Variants in SGCZ observed in about 807,000 individuals in gnomAD.
The protein encoded by SGCZ is zeta-sarcoglycan.
In SGCZ, 40 loss-of-function variants were observed where a neutral mutation model predicts 41.3. The observed-to-expected ratio is 0.97, with a 90% CI of 0.75 to 1.26. SGCZ has a LOEUF of 1.26. Ranked by LOEUF, SGCZ falls within the 50% of genes most tolerant of loss-of-function variation. SGCZ has a pLI of 0.00. For missense variants in SGCZ, 552 were observed against 369.8 expected (o/e 1.49, Z -4.04); for synonymous variants, 206 against 137.5 (o/e 1.50, Z -3.49).
At chr8:14,291,901 C>G (rs1050610371) in intron 3 of SGCZ, among the ~76,000 whole-genome samples, 50 of 151,924 alleles carry the variant, frequency 3.3e-4, no homozygotes, top group African/African-American at 1.2e-3. Context: ...CTCTATGATT[C>G]GCATTCTGAG....
chr8:15,048,000 A>C (rs1407979026), intron 1 of SGCZ, among the ~76,000 whole-genome samples: 1 of 152,032 alleles, frequency 6.6e-6, no homozygotes, highest in African/African-American at 2.4e-5. Flanking sequence ...ATGCAATGAA[A>C]GTGCAATCAG....
At chr8:14,948,397 G>C (rs1800523215) in intron 1 of SGCZ, among the ~76,000 whole-genome samples, 1 of 152,036 alleles carries the variant, frequency 6.6e-6, no homozygotes, top group Non-Finnish European at 1.5e-5. Flanking sequence ...GAAGGAAACA[G>C]AGAGATTATT....
chr8:14,592,681 T>A (rs1198610360), intron 1 of SGCZ, among the ~76,000 whole-genome samples: 2 of 152,160 alleles, frequency 1.3e-5, no homozygotes, highest in Non-Finnish European at 2.9e-5. Flanking sequence ...CTTTTACCAA[T>A]ATTCCATGAC....
intron 3 of SGCZ, among the ~76,000 whole-genome samples, chr8:14,301,030 G>C (rs1023955172): frequency 1.3e-5 from 2 of 151,284 alleles, no homozygotes; most frequent in South Asian, 4.2e-4. Context: ...CCCCACTTAT[G>C]ATGTGAGAAT....
At chr8:14,906,399 A>G (rs1027687393) in intron 1 of SGCZ, among the ~76,000 whole-genome samples, 1 of 152,168 alleles carries the variant, frequency 6.6e-6, no homozygotes, top group Non-Finnish European at 1.5e-5. Context: ...CCAGGAAGAC[A>G]CCAGGTATAT....
At chr8:14,194,004 G>A (rs1156773230) in intron 4 of SGCZ, among the ~76,000 whole-genome samples, 1 of 151,716 alleles carries the variant, frequency 6.6e-6, no homozygotes, top group Admixed American at 6.6e-5. Flanking sequence ...ATCTTGACAA[G>A]TCAGCATGAT....
Position 14,264,500 on chromosome 8 carries a change from C to T in SGCZ, c.337-26821G>A, listed in dbSNP as rs186695944. 6.3e-3 allele frequency among the ~76,000 whole-genome samples: 959 copies of T among 152,268 alleles called. 7 individuals are homozygous for T. The highest frequency in any genetic ancestry group is 9.6e-3 in the Non-Finnish European group (650 of 68,014). On this transcript the variant is annotated intron_variant, in intron 3 of 7. Transcript: ENST00000382080. ...CATCCGCAGTAGACCTGCGGCAAAC[C>T]TCAGCTTAGGCTGCCATCTAGTGCT...
rs560022749 is a variant in SGCZ, at chr8:15,016,653, C to A, written c.39+220932G>T. ...TGCTTTACAGAATCTTGCCCCAGTA[C>A]GTTTGATAATTATTTACATAAGTAA... On this transcript the variant is annotated intron_variant, in intron 1 of 7. Transcript: ENST00000382080. Among the ~76,000 whole-genome samples the A allele has an allele frequency of 2.0e-3, 298 of 152,214 alleles. 2 individuals carry two copies. Among genetic ancestry groups the A allele is most frequent in the African/African-American group, 6.5e-3 (271 of 41,540 alleles).
intron 4 of SGCZ, among the ~76,000 whole-genome samples, chr8:14,169,644 G>C (rs903533417): frequency 2.6e-5 from 4 of 152,118 alleles, no homozygotes; most frequent in Non-Finnish European, 5.9e-5. Flanking sequence ...GGGGTATGTG[G>C]GGCTGGCTAT....
At chr8:14,900,176 T>G (rs1798921504) in intron 1 of SGCZ, among the ~76,000 whole-genome samples, 1 of 152,064 alleles carries the variant, frequency 6.6e-6, no homozygotes, top group African/African-American at 2.4e-5. Context: ...CAAGGGCGGT[T>G]TGCTACACAG....
chr8:14,351,818 G>C (rs1803109054), intron 2 of SGCZ, among the ~76,000 whole-genome samples: 1 of 151,934 alleles, frequency 6.6e-6, no homozygotes, highest in Admixed American at 6.6e-5. Flanking sequence ...TTCAGCTTTT[G>C]CTTTATCTCA....
intron 1 of SGCZ, among the ~76,000 whole-genome samples, chr8:15,002,498 C>T (rs1304842220): frequency 6.6e-6 from 1 of 151,974 alleles, no homozygotes; most frequent in African/African-American, 2.4e-5. Context: ...TGTCATTACC[C>T]TAGAAATAGG....
At chr8:14,793,442 C>A (rs569933187) in intron 1 of SGCZ, among the ~76,000 whole-genome samples, 1 of 152,004 alleles carries the variant, frequency 6.6e-6, no homozygotes, top group African/African-American at 2.4e-5. Flanking sequence ...AAAGCTATGG[C>A]AAATAAACAA....
At chr8:14,230,541 T>C (rs1476803942) in intron 4 of SGCZ, among the ~76,000 whole-genome samples, 1 of 152,066 alleles carries the variant, frequency 6.6e-6, no homozygotes, top group African/African-American at 2.4e-5. Context: ...GTCTCCAAAA[T>C]CCATGCCATT....
chr8:14,732,298 T>C lies in SGCZ; in HGVS notation c.40-177372A>G, dbSNP rs796292584. 2.3e-4 allele frequency among the ~76,000 whole-genome samples: 35 copies of C among 152,270 alleles called. 1 individual carries two copies. Among genetic ancestry groups the C allele is most frequent in the African/African-American group, 8.4e-4 (35 of 41,562 alleles). ...AGGAATGACAGGATACCATCCACCCTGCTAAGGAGGGGTAATATCTGGGTG... is the reference window on the plus strand; with the variant it reads ...AGGAATGACAGGATACCATCCACCCCGCTAAGGAGGGGTAATATCTGGGTG... On this transcript the variant is annotated intron_variant, in intron 1 of 7. Transcript: ENST00000382080.
chr8:15,018,584 T>G (rs772150395), intron 1 of SGCZ, among the ~76,000 whole-genome samples: 2 of 152,038 alleles, frequency 1.3e-5, no homozygotes, highest in Non-Finnish European at 2.9e-5. Context: ...CAAGAACAGT[T>G]TGATGGGCTT....
chr8:14,294,427 A>T (rs1406615013), intron 3 of SGCZ, among the ~76,000 whole-genome samples: 2 of 151,974 alleles, frequency 1.3e-5, no homozygotes, highest in African/African-American at 4.8e-5. Flanking sequence ...ACCTCCAAGG[A>T]AAGATGGAAA....
intron 1 of SGCZ, among the ~76,000 whole-genome samples, chr8:15,166,280 C>G (rs1336595252): frequency 6.7e-6 from 1 of 148,760 alleles, no homozygotes; most frequent in Non-Finnish European, 1.5e-5. Context: ...CGGAGTCTCG[C>G]TCTGTCGCCC....
chr8:14,153,345 T>C (rs1270337376), intron 5 of SGCZ, among the ~76,000 whole-genome samples: 2 of 152,162 alleles, frequency 1.3e-5, no homozygotes, highest in African/African-American at 2.4e-5. Context: ...CAAAACTTCT[T>C]CCAGGGGAAA....
Sources: allele counts gnomAD v4.1 joint callset (sites outside exome capture counted in the v4.1 genomes callset), GRCh38; gene constraint gnomAD v4.1.1; transcripts MANE v1.5; gene names NCBI Gene and HGNC (gene_info 2026-07-23, HGNC 2026-07-21).